The following ARHGAP35 variants were observed in gnomAD, a reference collection of about 807,000 sequenced individuals.
The protein encoded by ARHGAP35 is rho GTPase-activating protein 35.
A neutral mutation model predicts 111.1 loss-of-function variants in ARHGAP35; 15 were observed. The ratio of observed to expected loss-of-function variants is 0.13; its 90% confidence interval spans 0.09 to 0.21. The LOEUF (loss-of-function observed/expected upper bound fraction) is 0.21, where lower values mean the gene tolerates loss of function less well. ARHGAP35 is among the 10% of genes least tolerant of loss of function. The probability of loss-of-function intolerance (pLI) is 1.00; values close to 1 mark genes in which losing one functional copy is unlikely to be tolerated. For synonymous variants in ARHGAP35, 643 were observed against 710.3 expected, an observed-to-expected ratio of 0.91 and a Z score of 1.51; for missense variants, 1,262 against 1,873.0, an observed-to-expected ratio of 0.67 and a Z score of 6.02.
At chr19:46,867,227 C>G (rs1599788908) in intron 1 of ARHGAP35, among the ~76,000 whole-genome samples, 2 of 152,296 alleles carry the variant, frequency 1.3e-5, no homozygotes, top group East Asian at 3.9e-4. Context: ...TTGCCTATCT[C>G]TCTCATCTTC....
intron 3 of ARHGAP35, among the ~76,000 whole-genome samples, chr19:46,966,999 T>C (rs993817320): frequency 5.9e-5 from 9 of 152,152 alleles, no homozygotes; most frequent in African/African-American, 2.2e-4. Flanking sequence ...GAAAGTCAAC[T>C]GAATGAGAGT....
At chr19:46,984,826 A>C (rs1399544983) in intron 3 of ARHGAP35, among the ~76,000 whole-genome samples, 1 of 152,202 alleles carries the variant, frequency 6.6e-6, no homozygotes, top group Non-Finnish European at 1.5e-5. Context: ...GCTAATTTGC[A>C]GTTCGTCTCC....
chr19:46,940,862 C>T (rs2056342742), intron 3 of ARHGAP35, among the ~76,000 whole-genome samples: 2 of 152,208 alleles, frequency 1.3e-5, no homozygotes, highest in Admixed American at 1.3e-4. Context: ...CCCTCCACTT[C>T]ATCTCTGCTG....
intron 1 of ARHGAP35, among the ~76,000 whole-genome samples, chr19:46,910,798 C>G (rs1877245025): frequency 1.3e-5 from 2 of 151,968 alleles, no homozygotes; most frequent in Non-Finnish European, 2.9e-5. Flanking sequence ...ACCATGTTAC[C>G]CAGGCTGGTC....
chr19:46,931,310 C>G (rs1377998495), intron 2 of ARHGAP35, among the ~76,000 whole-genome samples: 2 of 152,196 alleles, frequency 1.3e-5, no homozygotes, highest in African/African-American at 2.4e-5. Flanking sequence ...AACCATCTTC[C>G]CAGCTGATAG....
At chr19:46,910,139 G>T (rs1402891681) in intron 1 of ARHGAP35, among the ~76,000 whole-genome samples, 1 of 151,982 alleles carries the variant, frequency 6.6e-6, no homozygotes, top group African/African-American at 2.4e-5. Flanking sequence ...TTTTGAGATG[G>T]TATCTAACTG....
intron 1 of ARHGAP35, among the ~76,000 whole-genome samples, chr19:46,878,198 T>G (rs2055937140): frequency 1.3e-5 from 2 of 151,946 alleles, no homozygotes; most frequent in Non-Finnish European, 2.9e-5. Context: ...ATGTTTTGTA[T>G]TTTTAGTAAA....
At position 46,919,680 on chromosome 19, in the gene ARHGAP35, T is replaced by C. The variant is rs1431472646; in HGVS notation, c.1005T>C (p.Arg335=). The change falls in exon 2 of 7, where the codon CGT becomes CGC. Residue 335 remains arginine, a synonymous_variant. Coordinates refer to ENST00000672722, the MANE Select transcript of ARHGAP35 (RefSeq NM_004491.5). This position sits in a 1 kb window ranked among gnomAD's most constrained non-coding sequence, Gnocchi z 6.2. ...IHRLKHEHIE[R]RRKLYLAALP... is the part of the protein sequence containing the mutation. The stretch of plus-strand genomic sequence containing the variant: ...GCCTCAAGCATGAGCATATCGAGCG[T>C]AGGAGAAAGCTGTACCTGGCAGCCC... 6.2e-7 allele frequency: 1 copy of C among 1,613,832 alleles called. No individual in the cohort carries two copies. Among genetic ancestry groups the C allele is most frequent in the Non-Finnish European group, 8.5e-7 (1 of 1,179,898 alleles).
At chr19:46,953,628 AT>A (rs1164748931) in intron 3 of ARHGAP35, among the ~76,000 whole-genome samples, 8 of 152,216 alleles carry the variant, frequency 5.3e-5, no homozygotes, top group African/African-American at 1.9e-4. Flanking sequence ...ATCTTTCTCC[AT>A]TCTGCTATTC....
chr19:46,881,794 A>G (rs2055963611), intron 1 of ARHGAP35, among the ~76,000 whole-genome samples: 3 of 152,228 alleles, frequency 2.0e-5, no homozygotes, highest in South Asian at 4.1e-4. Context: ...CTCTCTAGCT[A>G]TAGAAGTCCT....
chr19:46,953,911 T>C (rs2056425724), intron 3 of ARHGAP35, among the ~76,000 whole-genome samples: 1 of 152,208 alleles, frequency 6.6e-6, no homozygotes, highest in South Asian at 2.1e-4. Flanking sequence ...TGCTGCCTAA[T>C]ATGTTGTTTC....
intron 2 of ARHGAP35, among the ~76,000 whole-genome samples, chr19:46,923,044 A>T (rs982863995): frequency 1.3e-5 from 2 of 151,856 alleles, no homozygotes; most frequent in African/African-American, 2.4e-5. Context: ...AGTTAACTGT[A>T]TACATTATAA....
chr19:46,891,398 TC>T (rs2056022752), intron 1 of ARHGAP35, among the ~76,000 whole-genome samples: 1 of 151,996 alleles, frequency 6.6e-6, no homozygotes, highest in Admixed American at 6.6e-5. Context: ...TGGCCACTTT[TC>T]TTAGGCTTTT....
rs928365438 is a variant in ARHGAP35, at chr19:46,942,189, G to A, written c.3826+4781G>A. On this transcript the variant is annotated intron_variant, in intron 3 of 6. Coordinates refer to ENST00000672722, the MANE Select transcript of ARHGAP35 (RefSeq NM_004491.5). ...ACTGTGAAGAGGAACTCAAAGATTC[G>A]TGATCTGCTACTTAGTGAAAACCAC... Among the ~76,000 whole-genome samples, 8 of 152,176 alleles carry A rather than the reference G, an allele frequency of 5.3e-5. No homozygotes were observed. In the South Asian group the frequency reaches 1.4e-3, roughly 28 times the overall value.
chr19:46,969,090 A>G (rs1173379171), intron 3 of ARHGAP35, among the ~76,000 whole-genome samples: 1 of 152,154 alleles, frequency 6.6e-6, no homozygotes, highest in South Asian at 2.1e-4. Flanking sequence ...GTCTCAAAAA[A>G]AAAATAGAAA....
chr19:46,969,037 A>G (rs1283863111), intron 3 of ARHGAP35, among the ~76,000 whole-genome samples: 7 of 152,198 alleles, frequency 4.6e-5, no homozygotes, highest in African/African-American at 1.4e-4. Context: ...CAGTGAGCCA[A>G]GGTTGCACCA....
intron 2 of ARHGAP35, among the ~76,000 whole-genome samples, chr19:46,932,354 G>C (rs537765945): frequency 1.5e-4 from 23 of 152,312 alleles, no homozygotes; most frequent in Non-Finnish European, 2.9e-4. Flanking sequence ...CCTCTGGCTA[G>C]ATGCTTTTTT....
intron 3 of ARHGAP35, chr19:46,946,712 T>TTTTG (rs1301550919): frequency 3.9e-5 from 6 of 152,170 alleles, no homozygotes; most frequent in African/African-American, 1.5e-4. Context: ...GGTTTTTTTG[T>TTTTG]TTTGTTTTGT....
Position 46,921,339 on chromosome 19 carries a change from C to G in ARHGAP35, c.2664C>G (p.Leu888=), listed in dbSNP as rs758937587. 3 of 1,613,926 alleles carry G rather than the reference C, an allele frequency of 1.9e-6. No individual in the cohort carries two copies. Among genetic ancestry groups the G allele is most frequent in the Non-Finnish European group, 2.5e-6 (3 of 1,179,896 alleles). ...QDIIPIQLVA[L]TDGAVDVLDN... is the part of the protein sequence containing the mutation. ...TTATCCCTATTCAGCTTGTAGCACT[C>G]ACTGATGGCGCTGTAGATGTCCTGG... Residue 888 remains leucine (L), a synonymous_variant, in exon 2 of 7, where the codon CTC becomes CTG. Coordinates refer to ENST00000672722, the MANE Select transcript of ARHGAP35 (RefSeq NM_004491.5). This position sits in a 1 kb window ranked among gnomAD's most constrained non-coding sequence, Gnocchi z 4.3.
Sources: gnomAD v4.1 joint callset for allele counts (sites outside exome capture counted in the v4.1 genomes callset) on GRCh38, gnomAD v4.1.1 for gene constraint, Gnocchi (gnomAD v3.1) non-coding constraint, MANE v1.5 for transcripts, NCBI Gene and HGNC (gene_info 2026-07-23, HGNC 2026-07-21) for gene names.